The following MNAT1 variants were observed in gnomAD, a reference collection of about 807,000 sequenced individuals.
The protein encoded by MNAT1 is MNAT1 component of CDK activating kinase.
A neutral mutation model predicts 42.0 loss-of-function variants in MNAT1; 43 were observed. That is an observed-to-expected ratio of 1.02 (90% CI 0.80 to 1.32). The LOEUF is 1.32. Among genes scored for constraint, MNAT1 ranks in the 40% most tolerant of loss-of-function variants. The probability of loss-of-function intolerance (pLI) is 0.00; values close to 1 mark genes in which losing one functional copy is unlikely to be tolerated. For missense variants in MNAT1, 306 were observed against 350.4 expected (o/e 0.87, Z 1.01); for synonymous variants, 118 against 120.0 (o/e 0.98, Z 0.11).
chr14:60,797,892 T>C (rs1016920236), intron 2 of MNAT1, among the ~76,000 whole-genome samples, 195 bp from the exon 3 acceptor site: 1 of 152,124 alleles, frequency 6.6e-6, no homozygotes, highest in Non-Finnish European at 1.5e-5. Context: ...ATTGTGCCAC[T>C]GCACTCCAGC....
intron 6 of MNAT1, among the ~76,000 whole-genome samples, chr14:60,867,823 G>A (rs1216371602): frequency 6.6e-6 from 1 of 151,920 alleles, no homozygotes; most frequent in Non-Finnish European, 1.5e-5. Flanking sequence ...GCCAGGAGAA[G>A]TACATAGTTA....
Position 60,876,588 on chromosome 14 carries a change from G to A in MNAT1, c.688-3126G>A, listed in dbSNP as rs547096059. Among the ~76,000 whole-genome samples the A allele has an allele frequency of 2.6e-5, 4 of 152,044 alleles. No individual in the cohort carries two copies. The South Asian group carries it at 8.3e-4, about 32-fold the overall frequency. ...TGAAACACTAACTGCTCTTTCCCAT[G>A]TTCCTAGTCTATGGTAACCACTGAT... On this transcript the variant is annotated intron_variant, in intron 6 of 7. Coordinates refer to ENST00000261245, the MANE Select transcript of MNAT1 (RefSeq NM_002431.4).
Position 60,968,573 on chromosome 14 carries a change from T to C in MNAT1, c.*224T>C, listed in dbSNP as rs1252831340. On this transcript the variant is annotated 3_prime_UTR_variant, in exon 8 of 8. Coordinates refer to ENST00000261245, the MANE Select transcript of MNAT1 (RefSeq NM_002431.4). ...ATATTTTTCAGAGGATTTGACACGATAAGCCTCATCTGATGGAAGAGAGGA... is the reference window on the plus strand; with the variant it reads ...ATATTTTTCAGAGGATTTGACACGACAAGCCTCATCTGATGGAAGAGAGGA... The C allele has an allele frequency of 3.1e-6, 4 of 1,278,020 alleles. No homozygotes were observed. Among genetic ancestry groups the C allele is most frequent in the Non-Finnish European group, 4.2e-6 (4 of 953,444 alleles). 79.2% of individuals were successfully genotyped at this position (1,278,020 alleles called of 1,614,324 possible).
intron 1 of MNAT1, among the ~76,000 whole-genome samples, chr14:60,753,291 A>G (rs2030181789): frequency 6.6e-6 from 1 of 152,184 alleles, no homozygotes; most frequent in Non-Finnish European, 1.5e-5. Context: ...CCATTAAACA[A>G]CATGAGTTTG....
chr14:60,768,214 T>C (rs748718638), intron 1 of MNAT1, among the ~76,000 whole-genome samples: 1 of 152,212 alleles, frequency 6.6e-6, no homozygotes, highest in African/African-American at 2.4e-5. Context: ...TTTAGTTTTT[T>C]GAATTATGGC....
intron 7 of MNAT1, among the ~76,000 whole-genome samples, chr14:60,937,237 C>A (rs188333772): frequency 6.6e-4 from 101 of 152,238 alleles, no homozygotes; most frequent in Non-Finnish European, 1.1e-3. Flanking sequence ...TTAATTAGAT[C>A]CTGTTTGTCA....
At chr14:60,805,339 C>G (rs920025902) in intron 3 of MNAT1, among the ~76,000 whole-genome samples, 3 of 151,962 alleles carry the variant, frequency 2.0e-5, no homozygotes, top group Non-Finnish European at 2.9e-5. Flanking sequence ...CAGTGCACAG[C>G]CTCCCCCATT....
chr14:60,816,841 A>G (rs978514865), intron 5 of MNAT1, among the ~76,000 whole-genome samples: 9 of 152,160 alleles, frequency 5.9e-5, no homozygotes, highest in Admixed American at 5.9e-4. Context: ...GGTTGGAACT[A>G]AATTCTGTGC....
At chr14:60,882,631 T>A (rs780701598) in intron 7 of MNAT1, among the ~76,000 whole-genome samples, 1 of 152,204 alleles carries the variant, frequency 6.6e-6, no homozygotes, top group Non-Finnish European at 1.5e-5. Flanking sequence ...ATAGTAGCTC[T>A]ATTTTTGTTT....
At chr14:60,875,928 C>T (rs765032914) in intron 6 of MNAT1, among the ~76,000 whole-genome samples, 7 of 152,046 alleles carry the variant, frequency 4.6e-5, no homozygotes, top group East Asian at 1.9e-4. Context: ...GAAATGCACA[C>T]GGAGTGTTGG....
intron 7 of MNAT1, among the ~76,000 whole-genome samples, chr14:60,954,033 T>C (rs1359914519): frequency 6.6e-6 from 1 of 152,146 alleles, no homozygotes; most frequent in Non-Finnish European, 1.5e-5. Context: ...TTAGCCCCTT[T>C]CTAGGTTCTC....
At chr14:60,851,029 C>A (rs2033808846) in intron 6 of MNAT1, among the ~76,000 whole-genome samples, 1 of 152,092 alleles carries the variant, frequency 6.6e-6, no homozygotes, top group African/African-American at 2.4e-5. Context: ...AACAGGGAAC[C>A]TAAAACTAAC....
intron 1 of MNAT1, among the ~76,000 whole-genome samples, chr14:60,750,988 A>T (rs1245252931): frequency 6.6e-6 from 1 of 152,154 alleles, no homozygotes; most frequent in African/African-American, 2.4e-5. Context: ...ACAAAATGCT[A>T]TTTGTTTTAT....
intron 1 of MNAT1, among the ~76,000 whole-genome samples, chr14:60,794,976 T>G (rs930169697): frequency 1.3e-5 from 2 of 152,110 alleles, no homozygotes; most frequent in African/African-American, 4.8e-5. Flanking sequence ...GGCAACATTC[T>G]GTCTTTATGA....
intron 6 of MNAT1, among the ~76,000 whole-genome samples, chr14:60,869,037 TA>T (rs1326783391): frequency 1.8e-4 from 16 of 89,196 alleles, no homozygotes; most frequent in Admixed American, 3.2e-4. Context: ...TATATATATA[TA>T]TATTTTTTTT....
At chr14:60,932,146 T>G (rs921816923) in intron 7 of MNAT1, among the ~76,000 whole-genome samples, 3 of 152,074 alleles carry the variant, frequency 2.0e-5, no homozygotes, top group Non-Finnish European at 4.4e-5. Context: ...TTAGGTTACA[T>G]TAGAGTTCTG....
chr14:60,833,800 G>A (rs555189373), intron 6 of MNAT1, among the ~76,000 whole-genome samples: 15 of 152,106 alleles, frequency 9.9e-5, no homozygotes, highest in Non-Finnish European at 1.9e-4. Flanking sequence ...GAATCTGTAT[G>A]TTCCTGGGCT....
intron 6 of MNAT1, among the ~76,000 whole-genome samples, chr14:60,826,034 G>C (rs558369196): frequency 6.6e-6 from 1 of 152,004 alleles, no homozygotes; most frequent in South Asian, 2.1e-4. Flanking sequence ...AAAGTTGAAG[G>C]GTTCAAAATG....
intron 1 of MNAT1, 89 bp from the exon 2 acceptor site, chr14:60,796,128 C>T: frequency 1.7e-6 from 2 of 1,143,512 alleles, no homozygotes; most frequent in Admixed American, 3.2e-5. Context: ...TCAAGTCTCA[C>T]TCTCCTTATC....
Sources: gnomAD v4.1 joint callset for allele counts (sites outside exome capture counted in the v4.1 genomes callset) on GRCh38, gnomAD v4.1.1 for gene constraint, MANE v1.5 for transcripts, NCBI Gene and HGNC (gene_info 2026-07-23, HGNC 2026-07-21) for gene names.